Variants in VRK2 observed in about 807,000 individuals in gnomAD.
The protein encoded by VRK2 is VRK serine/threonine kinase 2.
In VRK2, 60 loss-of-function variants were observed where a neutral mutation model predicts 57.6. The observed-to-expected ratio is 1.04, with a 90% CI of 0.85 to 1.29. The LOEUF (loss-of-function observed/expected upper bound fraction) is 1.29, where lower values mean the gene tolerates loss of function less well. VRK2 is among the 50% of genes most tolerant of loss of function. The pLI, the probability that VRK2 is intolerant of heterozygous loss-of-function variation, is 0.00. For synonymous variants in VRK2, 231 were observed against 199.2 expected, an observed-to-expected ratio of 1.16 and a Z score of -1.35; for missense variants, 705 against 588.1, an observed-to-expected ratio of 1.20 and a Z score of -2.06.
chr2:58,086,202 T>C, intron 4 of VRK2, 137 bp from the exon 5 acceptor site: 1 of 659,106 alleles, frequency 1.5e-6, no homozygotes, highest in Non-Finnish European at 2.6e-6. Context: ...TAGATAGAGA[T>C]GTTTGATTGA....
intron 2 of VRK2, among the ~76,000 whole-genome samples, chr2:58,032,428 G>A (rs961705073): frequency 2.0e-5 from 3 of 152,034 alleles, no homozygotes; most frequent in Non-Finnish European, 2.9e-5. Context: ...GTGTCCTTCC[G>A]TGGCAGAAAA....
chr2:58,043,021 A>C (rs1056398803), upstream of VRK2, among the ~76,000 whole-genome samples: 1 of 152,204 alleles, frequency 6.6e-6, no homozygotes, highest in African/African-American at 2.4e-5. Context: ...CTTAAAAAAA[A>C]CACATATTCT....
intron 2 of VRK2, among the ~76,000 whole-genome samples, chr2:58,053,827 G>C (rs1676108425): frequency 6.6e-6 from 1 of 152,098 alleles, no homozygotes; most frequent in Admixed American, 6.6e-5. Flanking sequence ...ATTGTTATTA[G>C]GCAATTTTGC....
intron 2 of VRK2, among the ~76,000 whole-genome samples, chr2:58,082,079 C>G (rs1416795404): frequency 6.6e-6 from 1 of 151,622 alleles, no homozygotes; most frequent in Admixed American, 6.6e-5. Flanking sequence ...AGACTTAGAC[C>G]CTCCAATATA....
At chr2:58,126,794 G>A (rs1678417900) in intron 8 of VRK2, among the ~76,000 whole-genome samples, 1 of 151,600 alleles carries the variant, frequency 6.6e-6, no homozygotes, top group Non-Finnish European at 1.5e-5. Flanking sequence ...GACATATTTT[G>A]GGCTTATTGT....
intron 2 of VRK2, among the ~76,000 whole-genome samples, chr2:58,073,804 G>C (rs924978557): frequency 2.6e-5 from 4 of 151,868 alleles, no homozygotes; most frequent in African/African-American, 9.7e-5. Context: ...CTTGAAGTTG[G>C]ATGTTCGAGG....
intron 1 of VRK2, among the ~76,000 whole-genome samples, chr2:58,003,513 A>T (rs1673150182): frequency 6.6e-6 from 1 of 152,190 alleles, no homozygotes; most frequent in Non-Finnish European, 1.5e-5. Flanking sequence ...GCGTATAAAA[A>T]TATAAGATGC....
chr2:58,116,523 G>A (rs1447371031), intron 7 of VRK2, among the ~76,000 whole-genome samples: 2 of 152,134 alleles, frequency 1.3e-5, no homozygotes, highest in African/African-American at 2.4e-5. Context: ...AACAGTTATG[G>A]AGGCAAGGGA....
intron 2 of VRK2, among the ~76,000 whole-genome samples, chr2:58,080,743 C>T (rs1038522570): frequency 1.3e-5 from 2 of 151,598 alleles, no homozygotes; most frequent in African/African-American, 4.8e-5. Flanking sequence ...TCACTAGATT[C>T]TAGGTTTGTC....
chr2:57,991,403 G>A (rs1197232361), intron 1 of VRK2, among the ~76,000 whole-genome samples: 1 of 151,876 alleles, frequency 6.6e-6, no homozygotes, highest in Non-Finnish European at 1.5e-5. Context: ...GTAACAGGTG[G>A]AGGCACTGTC....
chr2:58,044,119 GTTTC>G (rs559872622), upstream of VRK2, among the ~76,000 whole-genome samples: 329 of 152,244 alleles, frequency 2.2e-3, 1 homozygote, highest in Non-Finnish European at 2.9e-3. Flanking sequence ...AAGGGTTGAG[GTTTC>G]TTTCTTTCTT....
In VRK2 at chr2:58,154,564, T is replaced by C. The variant is rs1013004672; in HGVS notation, c.1183-4785T>C. 3.9e-5 allele frequency among the ~76,000 whole-genome samples: 6 copies of C among 152,236 alleles called. No homozygotes were observed. In the East Asian group the frequency reaches 1.2e-3, roughly 29 times the overall value. On this transcript the variant is annotated intron_variant, in intron 12 of 12. Transcript: ENST00000340157. ...AGTATTATAAATTTCCCTTCTAGCATGACATTAGCTATGTCCCATGTTTTG... is the reference window on the plus strand; with the variant it reads ...AGTATTATAAATTTCCCTTCTAGCACGACATTAGCTATGTCCCATGTTTTG...
intron 1 of VRK2, chr2:58,018,179 G>C (rs898533362): frequency 1.3e-5 from 2 of 152,080 alleles, no homozygotes. Context: ...TTTTAGTAGA[G>C]ACAGGGTTTC....
chr2:58,077,258 A>G (rs1362825328), intron 2 of VRK2, among the ~76,000 whole-genome samples: 1 of 152,078 alleles, frequency 6.6e-6, no homozygotes, highest in East Asian at 1.9e-4. Flanking sequence ...CAAAGGACAA[A>G]CATTGTGTAG....
intron 10 of VRK2, among the ~76,000 whole-genome samples, chr2:58,137,009 TATA>T (rs1680261195): frequency 7.9e-6 from 1 of 126,830 alleles, no homozygotes; most frequent in Non-Finnish European, 1.5e-5. Flanking sequence ...TCATATATAT[TATA>T]TATATCTCAT....
chr2:58,136,963 AT>A (rs1396870982), intron 10 of VRK2, among the ~76,000 whole-genome samples: 4 of 133,390 alleles, frequency 3.0e-5, no homozygotes, highest in Non-Finnish European at 6.1e-5. Context: ...ATGTGTATAT[AT>A]ATCATATATT....
At chr2:57,967,276 T>C (rs972668417) in intron 1 of VRK2, among the ~76,000 whole-genome samples, 3 of 152,066 alleles carry the variant, frequency 2.0e-5, no homozygotes, top group African/African-American at 7.2e-5. Flanking sequence ...CTAATGTAGA[T>C]GACGGGTTGA....
chr2:58,142,121 A>T (rs923018749), intron 11 of VRK2, among the ~76,000 whole-genome samples: 2 of 151,956 alleles, frequency 1.3e-5, no homozygotes, highest in Non-Finnish European at 2.9e-5. Context: ...AAATAAATAA[A>T]ATGTTACCAT....
chr2:57,934,594 C>A (rs1486374327), intron 1 of VRK2, among the ~76,000 whole-genome samples: 2 of 152,144 alleles, frequency 1.3e-5, no homozygotes, highest in East Asian at 3.9e-4. Context: ...GCTTCATGCA[C>A]CTAGGTGTTC....
Sources: allele counts gnomAD v4.1 joint callset (sites outside exome capture counted in the v4.1 genomes callset), GRCh38; gene constraint gnomAD v4.1.1; transcripts MANE v1.5; gene names NCBI Gene and HGNC (gene_info 2026-07-23, HGNC 2026-07-21).